Variants in MACO1 observed in about 807,000 individuals in gnomAD.
MACO1 encodes the protein macoilin.
MACO1 carries 14 observed loss-of-function variants against 78.7 expected under a neutral mutation model. The observed-to-expected ratio is 0.18, with a 90% CI of 0.12 to 0.28. The LOEUF is 0.28. MACO1 is among the 10% of genes least tolerant of loss of function. MACO1 has a pLI of 1.00. For missense variants in MACO1, 501 were observed against 799.0 expected, an observed-to-expected ratio of 0.63 and a Z score of 4.50; for synonymous variants, 288 against 291.6, an observed-to-expected ratio of 0.99 and a Z score of 0.12.
chr1:25,448,676 A>G lies in MACO1; in HGVS notation c.223-132A>G, dbSNP rs577433626. ...TAAATGTTTAAAATTTCCTTTTGTG[A>G]ATTTGCTTTACAGTTACCAAGTTAT... On this transcript the variant is annotated intron_variant, in intron 2 of 10. Transcript: ENST00000374343. 5 of 775,772 alleles carry G rather than the reference A, an allele frequency of 6.4e-6. No individual in the cohort carries two copies. In the East Asian group the frequency reaches 1.2e-4, roughly 18 times the overall value. 48.1% of individuals were successfully genotyped at this position (775,772 alleles called of 1,614,324 possible). A position where few individuals can be genotyped will look rare whatever the true frequency, so the allele number is the denominator to read the frequency against.
At chr1:25,488,667 T>TAG (rs1312279635) in intron 8 of MACO1, among the ~76,000 whole-genome samples, 1 of 152,016 alleles carries the variant, frequency 6.6e-6, no homozygotes, top group African/African-American at 2.4e-5. Flanking sequence ...CTAATTTTTG[T>TAG]AGAGAGAGGG....
In MACO1 at chr1:25,458,501, A is replaced by G; in HGVS notation, c.763A>G (p.Lys255Glu). The change falls in exon 6 of 11, where the codon AAA (lysine) becomes GAA (glutamate). Residue 255 changes from lysine (K) to glutamate (E), a missense_variant. Lys to Glu is a moderately conservative substitution (Grantham distance 56). Transcript: ENST00000374343. ...TTLPEIEYRE[K>E]GKEKDKDAKK... ...TTTGCCAGAGATAGAATACCGAGAA[A>G]AAGGGAAAGAAAAGGACAAGGATGC... 6.2e-7 allele frequency: 1 copy of G among 1,614,102 alleles called. No homozygotes were observed. Among genetic ancestry groups the G allele is most frequent in the Non-Finnish European group, 8.5e-7 (1 of 1,179,996 alleles).
intron 6 of MACO1, among the ~76,000 whole-genome samples, chr1:25,480,701 T>C (rs2043364234): frequency 6.6e-6 from 1 of 151,772 alleles, no homozygotes; most frequent in African/African-American, 2.4e-5. Context: ...CCAAGGTGGG[T>C]GGATCACCTG....
At chr1:25,476,817 T>C (rs922512273) in intron 6 of MACO1, among the ~76,000 whole-genome samples, 1 of 152,210 alleles carries the variant, frequency 6.6e-6, no homozygotes, top group Admixed American at 6.5e-5. Context: ...AATGCCCACT[T>C]ACCCCTGTTC....
At position 25,468,418 on chromosome 1, in the gene MACO1, A is replaced by C. The variant is rs199689936; in HGVS notation, c.1154+9526A>C. ...ATGTAACCATCAACTTACCCTGCAG[A>C]GAGGCCACCATTAACCTGGTTCCTC... On this transcript the variant is annotated intron_variant, in intron 6 of 10. Coordinates refer to ENST00000374343, the MANE Select transcript of MACO1 (RefSeq NM_018202.6). Among the ~76,000 whole-genome samples the C allele has an allele frequency of 2.6e-5, 4 of 152,324 alleles. No individual in the cohort carries two copies. In the East Asian group the frequency reaches 7.7e-4, roughly 29 times the overall value.
intron 6 of MACO1, among the ~76,000 whole-genome samples, chr1:25,463,012 A>G (rs1481723983): frequency 6.6e-6 from 1 of 152,220 alleles, no homozygotes; most frequent in Non-Finnish European, 1.5e-5. Context: ...TAGCTGCCAC[A>G]GAGACTATGG....
chr1:25,469,063 G>A (rs1457857148), intron 6 of MACO1, among the ~76,000 whole-genome samples: 4 of 148,798 alleles, frequency 2.7e-5, no homozygotes, highest in Admixed American at 6.8e-5. Context: ...GGCTGGTCTC[G>A]AGCTCCTGAC....
chr1:25,437,222 T>C (rs939319037), intron 1 of MACO1, among the ~76,000 whole-genome samples: 3 of 149,774 alleles, frequency 2.0e-5, no homozygotes, highest in African/African-American at 4.9e-5. Flanking sequence ...GTATCCTTCA[T>C]CTCCTGGGTT....
At position 25,439,470 on chromosome 1, in the gene MACO1, G is replaced by A. The variant is rs535476778; in HGVS notation, c.81-7292G>A. ...GTCATTGCAGTGGCTGCACATGTAC[G>A]CGCGCGTGTGTGTGTGTGTAATTGA... is the stretch of plus-strand genomic sequence containing the variant. On this transcript the variant is annotated intron_variant, in intron 1 of 10. Coordinates refer to ENST00000374343, the MANE Select transcript of MACO1 (RefSeq NM_018202.6). 3.9e-5 allele frequency among the ~76,000 whole-genome samples: 6 copies of A among 151,908 alleles called. No homozygotes were observed. The South Asian group carries it at 6.2e-4, about 16-fold the overall frequency.
chr1:25,480,927 AAAATATATATATAT>A (rs1315868145), intron 6 of MACO1, among the ~76,000 whole-genome samples: 155 of 29,804 alleles, frequency 5.2e-3, no homozygotes, highest in African/African-American at 0.014. Flanking sequence ...AAAAAAAAAA[AAAATATATATATAT>A]ATATATATAT....
chr1:25,441,431 C>T (rs1557658401), intron 1 of MACO1, among the ~76,000 whole-genome samples: 12 of 152,306 alleles, frequency 7.9e-5, no homozygotes, highest in Admixed American at 7.2e-4. Context: ...GTCATCCACC[C>T]GCCTCAGCCT....
intron 9 of MACO1, 51 bp downstream of exon 9, chr1:25,489,344 T>C (rs377268159): frequency 2.6e-5 from 42 of 1,600,770 alleles, no homozygotes; most frequent in Admixed American, 5.1e-5. Flanking sequence ...ACTTTTATGC[T>C]AAACTTGTGC....
chr1:25,497,202 G>T (rs2043545222), intron 10 of MACO1, among the ~76,000 whole-genome samples: 1 of 152,030 alleles, frequency 6.6e-6, no homozygotes, highest in African/African-American at 2.4e-5. Context: ...CCAACATGGA[G>T]AAACCCCGTC....
Position 25,485,643 on chromosome 1 carries a change from A to T in MACO1, c.1344A>T (p.Lys448Asn). 1.9e-6 allele frequency: 3 copies of T among 1,614,054 alleles called. No individual in the cohort carries two copies. Among genetic ancestry groups the T allele is most frequent in the Non-Finnish European group, 2.5e-6 (3 of 1,180,008 alleles). ...KLHNAVQMKQ[K>N]DKQNISQLEK... ...ATAATGCTGTGCAAATGAAGCAAAA[A>T]GACAAGCAGAATATCAGCCAGTTGG... is the stretch of plus-strand genomic sequence containing the variant. The change falls in exon 8 of 11, where the codon AAA becomes AAT. Residue 448 changes from lysine (K) to asparagine (N), a missense_variant. Lys to Asn is a moderately conservative substitution (Grantham distance 94). This residue lies in a region of MACO1 where 163 missense variants were observed against 271.9 expected (regional missense o/e 0.60). Transcript: ENST00000374343. The surrounding 1 kb of genome is among the most constrained non-coding windows in gnomAD (Gnocchi z 4.3).
At chr1:25,443,282 C>G (rs555039722) in intron 1 of MACO1, among the ~76,000 whole-genome samples, 1 of 152,182 alleles carries the variant, frequency 6.6e-6, no homozygotes, top group Non-Finnish European at 1.5e-5. Flanking sequence ...AATACTGAAT[C>G]AGGCAGCTGT....
At chr1:25,435,239 C>T (rs1240404552) in intron 1 of MACO1, among the ~76,000 whole-genome samples, 1 of 152,066 alleles carries the variant, frequency 6.6e-6, no homozygotes, top group Non-Finnish European at 1.5e-5. Context: ...TCTTCATGTA[C>T]TGGATTCTGC....
intron 1 of MACO1, among the ~76,000 whole-genome samples, chr1:25,435,266 A>G (rs1400908555): frequency 1.3e-5 from 2 of 151,994 alleles, no homozygotes; most frequent in Admixed American, 6.6e-5. Flanking sequence ...TGCTGTGTGA[A>G]GCTTAGGCAG....
At chr1:25,489,009 C>T (rs1487631469) in intron 8 of MACO1, among the ~76,000 whole-genome samples, 164 bp from the exon 9 acceptor site, 2 of 151,570 alleles carry the variant, frequency 1.3e-5, no homozygotes, top group East Asian at 2.0e-4. Flanking sequence ...TTAGTAGAGA[C>T]GGGGTTTCAC....
At position 25,498,227 on chromosome 1, in the gene MACO1, C is replaced by T. The variant is rs773666370; in HGVS notation, c.1793-37C>T. 6.2e-6 allele frequency: 10 copies of T among 1,610,622 alleles called. No homozygotes were observed. The South Asian group carries it at 7.7e-5, about 12-fold the overall frequency. On this transcript the variant is annotated intron_variant, in intron 10 of 10. Transcript: ENST00000374343. ...CTGGGGACATTGTGTTGGGTGAGGC[C>T]TCCCTTTTCACTAATGGTGGGTCTT...
Sources: gnomAD v4.1 joint callset for allele counts (sites outside exome capture counted in the v4.1 genomes callset) on GRCh38, gnomAD v4.1.1 for gene constraint, gnomAD v4.1.1 regional missense constraint, Gnocchi (gnomAD v3.1) non-coding constraint, MANE v1.5 for transcripts, NCBI Gene and HGNC (gene_info 2026-07-23, HGNC 2026-07-21) for gene names.